Variants in KCNH7 observed in about 807,000 individuals in gnomAD.
The protein encoded by KCNH7 is voltage-gated inwardly rectifying potassium channel KCNH7.
In KCNH7, 49 loss-of-function variants were observed where a neutral mutation model predicts 120.8. The observed-to-expected ratio is 0.41, with a 90% CI of 0.32 to 0.51. KCNH7 has a LOEUF of 0.51. Among genes scored for constraint, KCNH7 ranks in the 20% least tolerant of loss-of-function variants. The probability of loss-of-function intolerance (pLI) is 0.38; values close to 1 mark genes in which losing one functional copy is unlikely to be tolerated. For missense variants in KCNH7, 1,097 were observed against 1,446.6 expected (o/e 0.76, Z 3.92); for synonymous variants, 547 against 516.1 (o/e 1.06, Z -0.81).
At chr2:162,439,638 A>G (rs1235189868) in intron 7 of KCNH7, among the ~76,000 whole-genome samples, 1 of 152,020 alleles carries the variant, frequency 6.6e-6, no homozygotes, top group Non-Finnish European at 1.5e-5. Flanking sequence ...ATTGTTTTTA[A>G]TCTAAAGTAA....
chr2:162,772,574 T>C (rs943934938), intron 2 of KCNH7, among the ~76,000 whole-genome samples: 1 of 152,170 alleles, frequency 6.6e-6, no homozygotes, highest in Non-Finnish European at 1.5e-5. Flanking sequence ...TGGCCACAAG[T>C]ATTAAAGTCA....
At chr2:162,648,598 A>T (rs964470821) in intron 2 of KCNH7, among the ~76,000 whole-genome samples, 3 of 152,146 alleles carry the variant, frequency 2.0e-5, no homozygotes, top group African/African-American at 7.2e-5. Flanking sequence ...GCTTTTGCTT[A>T]TGCTTTTTCT....
chr2:162,416,397 A>G (rs1687543413), intron 9 of KCNH7, among the ~76,000 whole-genome samples: 1 of 151,802 alleles, frequency 6.6e-6, no homozygotes, highest in African/African-American at 2.4e-5. Context: ...AAAAAAGAAT[A>G]GCTCATAGAC....
intron 2 of KCNH7, among the ~76,000 whole-genome samples, chr2:162,608,588 C>T (rs1023308001): frequency 2.6e-5 from 4 of 152,130 alleles, no homozygotes; most frequent in Non-Finnish European, 4.4e-5. Context: ...TCCAGTGAAT[C>T]TCTTTTCATA....
intron 11 of KCNH7, 35 bp from the exon 12 acceptor site, chr2:162,394,520 T>A (rs761360288): frequency 8.3e-7 from 1 of 1,207,240 alleles, no homozygotes; most frequent in Non-Finnish European, 1.2e-6. Context: ...AAATGAAAGA[T>A]TACTGAATTA....
chr2:162,757,379 T>C (rs1233176610), intron 2 of KCNH7, among the ~76,000 whole-genome samples: 1 of 152,156 alleles, frequency 6.6e-6, no homozygotes, highest in Non-Finnish European at 1.5e-5. Flanking sequence ...GATTCCTCCA[T>C]TAGTCTATTT....
chr2:162,624,572 C>A (rs1157859176), intron 2 of KCNH7, among the ~76,000 whole-genome samples: 2 of 152,148 alleles, frequency 1.3e-5, no homozygotes. Context: ...TTATTATACA[C>A]TCTCACCTAT....
intron 2 of KCNH7, among the ~76,000 whole-genome samples, chr2:162,704,321 T>G (rs1022592203): frequency 6.6e-6 from 1 of 152,136 alleles, no homozygotes; most frequent in Non-Finnish European, 1.5e-5. Context: ...TCATTATTCT[T>G]ACTTTAATAT....
intron 14 of KCNH7, among the ~76,000 whole-genome samples, chr2:162,376,994 G>A (rs980812566): frequency 6.6e-6 from 1 of 152,120 alleles, no homozygotes; most frequent in Non-Finnish European, 1.5e-5. Flanking sequence ...TTTTTATTGT[G>A]TTTTGTACTT....
intron 2 of KCNH7, among the ~76,000 whole-genome samples, chr2:162,718,200 A>T (rs1035185337): frequency 1.3e-5 from 2 of 151,948 alleles, no homozygotes; most frequent in Non-Finnish European, 2.9e-5. Context: ...GATTTTTTTT[A>T]ACATATCAGA....
At chr2:162,830,635 C>T (rs1166754481) in intron 2 of KCNH7, among the ~76,000 whole-genome samples, 8 of 152,116 alleles carry the variant, frequency 5.3e-5, no homozygotes, top group Non-Finnish European at 1.2e-4. Flanking sequence ...TTCATACATT[C>T]GAACTTCAAC....
At chr2:162,393,976 A>G (rs1255978751) in intron 12 of KCNH7, among the ~76,000 whole-genome samples, 2 of 151,998 alleles carry the variant, frequency 1.3e-5, no homozygotes, top group African/African-American at 4.8e-5. Context: ...AAGAAGTGAC[A>G]AGTGCCACAG....
intron 2 of KCNH7, among the ~76,000 whole-genome samples, chr2:162,553,449 A>G (rs1370821235): frequency 1.3e-5 from 2 of 152,134 alleles, no homozygotes; most frequent in Non-Finnish European, 2.9e-5. Context: ...GGAGATGGAG[A>G]CCATCCTGGC....
rs1175010809 is a variant in KCNH7, at chr2:162,396,916, G to A, written c.2437C>T (p.His813Tyr). 8 of 1,609,726 alleles carry A rather than the reference G, an allele frequency of 5.0e-6. No homozygotes were observed. Among genetic ancestry groups the A allele is most frequent in the Non-Finnish European group, 6.8e-6 (8 of 1,177,238 alleles). Residue 813 changes from histidine (H) to tyrosine (Y), a missense_variant, in exon 11 of 16, where the codon CAT becomes TAT. Around this residue, in one of 8 missense-constraint regions of KCNH7, gnomAD observed 101 missense variants for 176.3 expected, o/e 0.57. Coordinates refer to ENST00000332142, the MANE Select transcript of KCNH7 (RefSeq NM_033272.4). ...GACTTTCCAGGTTTGGCATAAAGAT[G>A]AACCATTTCTCCAAATATATCATTT... ...GKNDIFGEMV[H>Y]LYAKPGKSNA...
At chr2:162,798,154 T>C (rs529338306) in intron 2 of KCNH7, among the ~76,000 whole-genome samples, 22 of 152,246 alleles carry the variant, frequency 1.4e-4, no homozygotes, top group Non-Finnish European at 2.9e-5. Context: ...TACATAGTTA[T>C]AGATCACTTA....
At chr2:162,530,309 T>C (rs1691872125) in intron 3 of KCNH7, among the ~76,000 whole-genome samples, 1 of 152,066 alleles carries the variant, frequency 6.6e-6, no homozygotes, top group Admixed American at 6.6e-5. Context: ...CTATGCTTCT[T>C]GTGTAGTCAT....
intron 2 of KCNH7, among the ~76,000 whole-genome samples, chr2:162,632,950 T>C (rs1208521181): frequency 6.6e-6 from 1 of 151,288 alleles, no homozygotes; most frequent in Non-Finnish European, 1.5e-5. Flanking sequence ...GACCCAGAAG[T>C]GGGAGGAAAA....
At chr2:162,630,312 G>C (rs1683720218) in intron 2 of KCNH7, among the ~76,000 whole-genome samples, 1 of 151,874 alleles carries the variant, frequency 6.6e-6, no homozygotes, top group Admixed American at 6.6e-5. Context: ...TGCAATTCTG[G>C]GAATTACACC....
chr2:162,471,379 T>A (rs973803285), intron 6 of KCNH7, among the ~76,000 whole-genome samples: 4 of 152,208 alleles, frequency 2.6e-5, no homozygotes, highest in Admixed American at 1.3e-4. Context: ...TATTTGCATG[T>A]TTCTATATGT....
Sources: gnomAD v4.1 joint callset for allele counts (sites outside exome capture counted in the v4.1 genomes callset) on GRCh38, gnomAD v4.1.1 for gene constraint, gnomAD v4.1.1 regional missense constraint, MANE v1.5 for transcripts, NCBI Gene and HGNC (gene_info 2026-07-23, HGNC 2026-07-21) for gene names.